The following IFNGR2 variants were observed in gnomAD, a reference collection of about 807,000 sequenced individuals.
The protein encoded by IFNGR2 is interferon gamma receptor 2.
Under a neutral mutation model 41.1 loss-of-function variants are expected in IFNGR2, and 15 were observed. The observed-to-expected ratio is 0.37, with a 90% confidence interval of 0.24 to 0.56. The LOEUF is 0.56. Ranked by LOEUF, IFNGR2 falls within the 20% of genes least tolerant of loss-of-function variation. The pLI is 0.81. For synonymous variants in IFNGR2, 161 were observed against 171.6 expected (o/e 0.94, Z 0.48); for missense variants, 362 against 415.7 (o/e 0.87, Z 1.12).
intron 6 of IFNGR2, among the ~76,000 whole-genome samples, chr21:33,436,072 T>C (rs184861268): frequency 6.7e-6 from 1 of 149,898 alleles, no homozygotes; most frequent in East Asian, 2.0e-4. Flanking sequence ...CAATAAAAAA[T>C]TGTTGCCGGG....
chr21:33,422,877 C>CAAAAAA (rs71194843), intron 3 of IFNGR2, among the ~76,000 whole-genome samples: 52 of 34,942 alleles, frequency 1.5e-3, no homozygotes, highest in Admixed American at 2.1e-3. Context: ...AACTCCATCT[C>CAAAAAA]AAAAAAAAAA....
intron 2 of IFNGR2, among the ~76,000 whole-genome samples, chr21:33,417,412 C>G (rs1400644625): frequency 6.6e-6 from 1 of 152,050 alleles, no homozygotes; most frequent in African/African-American, 2.4e-5. Context: ...TTTAAATGTC[C>G]GTTGTAACAG....
At chr21:33,425,400 G>A (rs899520892) in intron 3 of IFNGR2, among the ~76,000 whole-genome samples, 4 of 152,132 alleles carry the variant, frequency 2.6e-5, no homozygotes, top group African/African-American at 7.2e-5. Flanking sequence ...GTCAGATTCC[G>A]GGCCAGGACT....
Position 33,410,189 on chromosome 21 carries a change from CAG to C in IFNGR2, c.74-4696_74-4695del, listed in dbSNP as rs2083706268. The stretch of plus-strand genomic sequence containing the variant: ...TAATTTTTTTTTTTTTTTTTTGAGA[CAG>C]AGTCTCTCTCTGTCACCCAAGCTGG... On this transcript the variant is annotated intron_variant, in intron 1 of 6. Transcript: ENST00000290219. Among the ~76,000 whole-genome samples the C allele has an allele frequency of 2.1e-5, 3 of 142,196 alleles. No homozygotes were observed. The East Asian group carries it at 6.1e-4, about 29-fold the overall frequency. 93.3% of individuals were successfully genotyped at this position (142,196 alleles called of 152,430 possible). A position where few individuals can be genotyped will look rare whatever the true frequency, so the allele number is the denominator to read the frequency against.
Position 33,437,206 on chromosome 21 carries a change from T to C in IFNGR2, c.*244T>C. The C allele has an allele frequency of 2.0e-6, 1 of 496,678 alleles. No individual in the cohort carries two copies. Among genetic ancestry groups the C allele is most frequent in the South Asian group, 2.2e-5 (1 of 45,014 alleles). 30.8% of individuals were successfully genotyped at this position (496,678 alleles called of 1,614,324 possible). ...GAGATATCCCAGGAAAATTAAGGCT[T>C]CTCTTAAACACTAAAAAGGCATGTA... On this transcript the variant is annotated 3_prime_UTR_variant, in exon 7 of 7. Transcript: ENST00000290219.
At chr21:33,429,784 A>C (rs1336103780) in intron 4 of IFNGR2, among the ~76,000 whole-genome samples, 1 of 152,222 alleles carries the variant, frequency 6.6e-6, no homozygotes, top group African/African-American at 2.4e-5. Context: ...CACATTGTGC[A>C]AACAGTGTAG....
At chr21:33,411,319 C>G (rs976120824) in intron 1 of IFNGR2, 2 of 390,074 alleles carry the variant, frequency 5.1e-6, no homozygotes, top group Non-Finnish European at 1.1e-5. Context: ...CTTCCTTGTC[C>G]CCTCGCCACC....
At chr21:33,426,849 A>G in intron 3 of IFNGR2, 35 bp from the exon 4 acceptor site, 1 of 1,559,712 alleles carries the variant, frequency 6.4e-7, no homozygotes. Flanking sequence ...ACATATGTGT[A>G]TGTGTGTGGT....
Position 33,432,084 on chromosome 21 carries a change from C to T in IFNGR2, c.562-93C>T, listed in dbSNP as rs121913211. On this transcript the variant is annotated intron_variant, in intron 4 of 6. Coordinates refer to ENST00000290219, the MANE Select transcript of IFNGR2 (RefSeq NM_005534.4). ...TGGCATCTTGTTCTTCTTTGGTTGT[C>T]GTGTTCACAGTGAATTTGAGGAAAC... 1.9e-4 allele frequency: 223 copies of T among 1,146,286 alleles called. No individual in the cohort carries two copies. In the East Asian group the frequency reaches 4.2e-3, roughly 22 times the overall value. The allele number at this position is 1,146,286 out of a possible 1,614,324, so 71.0% of individuals were successfully genotyped here.
chr21:33,436,147 C>T (rs1601097956), intron 6 of IFNGR2, among the ~76,000 whole-genome samples: 3 of 145,058 alleles, frequency 2.1e-5, no homozygotes, highest in African/African-American at 7.7e-5. Flanking sequence ...CACCTGAGGT[C>T]AGGAGTTCGA....
chr21:33,409,262 A>G (rs774934638), intron 1 of IFNGR2, among the ~76,000 whole-genome samples: 7 of 151,004 alleles, frequency 4.6e-5, no homozygotes, highest in Non-Finnish European at 8.9e-5. Flanking sequence ...AGGTCAGGAG[A>G]TCAAGACCAT....
chr21:33,417,511 C>T (rs146412145), intron 2 of IFNGR2, among the ~76,000 whole-genome samples: 4 of 152,296 alleles, frequency 2.6e-5, no homozygotes, highest in East Asian at 3.9e-4. Flanking sequence ...TTATAAATTA[C>T]GAACATTAAG....
At chr21:33,434,139 C>T (rs148419000) in intron 6 of IFNGR2, among the ~76,000 whole-genome samples, 18 of 152,272 alleles carry the variant, frequency 1.2e-4, no homozygotes, top group East Asian at 7.7e-4. Context: ...TAACCCCAGC[C>T]CCCTGAGGCT....
rs183746847 is a variant in IFNGR2, at chr21:33,432,293, C to T, written c.678C>T (p.Val226=). Reference sequence around the variant, plus strand: ...GGAACAAAAGTAACATCTTTAGAGTCGGGCATTTAAGCAACATATCTTGCT... The same window carrying T: ...GGAACAAAAGTAACATCTTTAGAGTTGGGCATTTAAGCAACATATCTTGCT... ...LLWNKSNIFR[V]GHLSNISCYE... Residue 226 remains valine, a synonymous_variant, in exon 5 of 7, where the codon GTC becomes GTT. Coordinates refer to ENST00000290219, the MANE Select transcript of IFNGR2 (RefSeq NM_005534.4). 4 of 1,613,986 alleles carry T rather than the reference C, an allele frequency of 2.5e-6. No homozygotes were observed. Among genetic ancestry groups the T allele is most frequent in the Middle Eastern group, 1.6e-4 (1 of 6,062 alleles).
chr21:33,426,737 AAGAG>A (rs1032645492), intron 3 of IFNGR2, 143 bp from the exon 4 acceptor site: 59 of 457,252 alleles, frequency 1.3e-4, no homozygotes, highest in African/African-American at 1.2e-3. Context: ...ATAATAAATA[AAGAG>A]ATAGATAAAA....
rs2083654988 is a variant in IFNGR2 at position 33,403,438 on chromosome 21, C to A, written c.-106C>A. On this transcript the variant is annotated 5_prime_UTR_variant, in exon 1 of 7. Transcript: ENST00000290219. ...GCTGCTCGGGAAGAGGCGGGCCCTG[C>A]GCGCCCTGCGCTCGCCATGGCGGTT... 2 of 604,542 alleles carry A rather than the reference C, an allele frequency of 3.3e-6. No homozygotes were observed. Among genetic ancestry groups the A allele is most frequent in the Non-Finnish European group, 4.3e-6 (2 of 464,116 alleles). The allele number at this position is 604,542 out of a possible 1,614,324, so 37.4% of individuals were successfully genotyped here.
chr21:33,422,313 C>T (rs1383369005), intron 3 of IFNGR2, among the ~76,000 whole-genome samples: 1 of 152,224 alleles, frequency 6.6e-6, no homozygotes, highest in Non-Finnish European at 1.5e-5. Flanking sequence ...GTCACGTAGT[C>T]AGCCATGCCA....
At chr21:33,423,241 A>C (rs9979036) in intron 3 of IFNGR2, among the ~76,000 whole-genome samples, 1 of 150,766 alleles carries the variant, frequency 6.6e-6, no homozygotes, top group Non-Finnish European at 1.5e-5. Flanking sequence ...GGGTTTCACC[A>C]TGTTAGCCAG....
chr21:33,427,841 CATCTTT>C (rs2083852178), intron 4 of IFNGR2, among the ~76,000 whole-genome samples: 1 of 116,920 alleles, frequency 8.6e-6, no homozygotes, highest in Non-Finnish European at 1.7e-5. Flanking sequence ...CATCTCATTT[CATCTTT>C]TTTTTTTTTT....
Sources: allele counts gnomAD v4.1 joint callset (sites outside exome capture counted in the v4.1 genomes callset), GRCh38; gene constraint gnomAD v4.1.1; transcripts MANE v1.5; gene names NCBI Gene and HGNC (gene_info 2026-07-23, HGNC 2026-07-21).